SPECC1: variants seen among roughly 807,000 people sequenced by gnomAD.
SPECC1 encodes the protein sperm antigen with calponin homology and coiled-coil domains 1, also known as cytospin-B.
SPECC1 carries 62 observed loss-of-function variants against 104.1 expected under a neutral mutation model. The observed-to-expected ratio is 0.60, with a 90% CI of 0.49 to 0.74. The LOEUF (loss-of-function observed/expected upper bound fraction) is 0.74. Among genes scored for constraint, SPECC1 ranks in the 30% least tolerant of loss-of-function variants. SPECC1 has a pLI of 0.00. For synonymous variants in SPECC1, 513 were observed against 501.6 expected, an observed-to-expected ratio of 1.02 and a Z score of -0.30; for missense variants, 1,306 against 1,310.5, an observed-to-expected ratio of 1.00 and a Z score of 0.05.
At chr17:20,238,619 T>A in intron 7 of SPECC1, 1 of 1,042,136 alleles carries the variant, frequency 9.6e-7, no homozygotes, top group Non-Finnish European at 1.2e-6. Flanking sequence ...AGAAGAGACA[T>A]TGAGGTCTTC....
chr17:20,276,894 A>G (rs2151653089), intron 12 of SPECC1, among the ~76,000 whole-genome samples: 1 of 152,358 alleles, frequency 6.6e-6, no homozygotes, highest in Non-Finnish European at 1.5e-5. Context: ...TGCTCTTGCC[A>G]GGGCTGCTTT....
intron 3 of SPECC1, among the ~76,000 whole-genome samples, chr17:20,154,505 G>A (rs561726287): frequency 2.0e-5 from 3 of 152,170 alleles, no homozygotes; most frequent in East Asian, 1.9e-4. Context: ...TGAGGAGGCC[G>A]GTGTAGCAAC....
At chr17:20,140,712 C>T (rs2030672387) in intron 3 of SPECC1, among the ~76,000 whole-genome samples, 1 of 152,152 alleles carries the variant, frequency 6.6e-6, no homozygotes, top group Admixed American at 6.5e-5. Flanking sequence ...TCAGTGTGTC[C>T]TGTAAACATG....
At chr17:20,262,276 A>G (rs552148982) in intron 12 of SPECC1, among the ~76,000 whole-genome samples, 3 of 152,290 alleles carry the variant, frequency 2.0e-5, no homozygotes, top group African/African-American at 7.2e-5. Flanking sequence ...TCTTGTGCGT[A>G]TTTCCTGAAA....
At chr17:20,074,262 A>T (rs1409609676) in intron 1 of SPECC1, among the ~76,000 whole-genome samples, 2 of 152,180 alleles carry the variant, frequency 1.3e-5, no homozygotes, top group Non-Finnish European at 2.9e-5. Context: ...GCAATGCTCA[A>T]CATCTGGGCA....
In SPECC1 at chr17:20,247,227, G is replaced by A; in HGVS notation, c.2506G>A (p.Gly836Arg). 2 of 1,612,420 alleles carry A rather than the reference G, an allele frequency of 1.2e-6. No individual in the cohort carries two copies. The highest frequency in any genetic ancestry group is 1.7e-6 in the Non-Finnish European group (2 of 1,179,136). ...ATGTTTTTTCTTGGCAGGTGGAGCT[G>A]GACAGAATATTTCTGTCCATAAGAC... ...SFDLGRPGGA[G>R]QNISVHKTPR... is the part of the protein sequence containing the mutation. Residue 836 changes from glycine to arginine, a missense_variant, in exon 9 of 15, where the codon GGA becomes AGA. By Grantham distance (125) the Gly-to-Arg change is moderately radical. This residue lies in a region of SPECC1 where 1,177 missense variants were observed against 1,139.9 expected (regional missense o/e 1.03). Coordinates refer to ENST00000395527, the MANE Select transcript of SPECC1 (RefSeq NM_001243439.2).
intron 12 of SPECC1, among the ~76,000 whole-genome samples, chr17:20,281,907 C>A (rs1237906945): frequency 2.6e-5 from 4 of 152,322 alleles, no homozygotes; most frequent in Middle Eastern, 3.4e-3. Flanking sequence ...GAGGTGAGGG[C>A]ACAGAGAAGA....
intron 2 of SPECC1, among the ~76,000 whole-genome samples, chr17:20,100,216 A>G (rs1157204203): frequency 6.6e-6 from 1 of 152,268 alleles, no homozygotes; most frequent in African/African-American, 2.4e-5. Context: ...CAGGAAAATG[A>G]TAGGGCTTGA....
At chr17:20,256,466 CT>C (rs1279875344) in intron 10 of SPECC1, among the ~76,000 whole-genome samples, 4 of 152,132 alleles carry the variant, frequency 2.6e-5, no homozygotes, top group African/African-American at 9.7e-5. Context: ...CTGTTTTTCT[CT>C]GCTATTTAGA....
chr17:20,209,306 A>G (rs2036983150), intron 4 of SPECC1, among the ~76,000 whole-genome samples: 1 of 152,176 alleles, frequency 6.6e-6, no homozygotes, highest in African/African-American at 2.4e-5. Flanking sequence ...CGAAAGGTGA[A>G]TATTATTAAA....
At chr17:20,202,803 C>G (rs915819414) in intron 3 of SPECC1, among the ~76,000 whole-genome samples, 2 of 152,146 alleles carry the variant, frequency 1.3e-5, no homozygotes, top group African/African-American at 4.8e-5. Context: ...CCCCTAACCT[C>G]CAAGTTGTTC....
chr17:20,213,653 G>A (rs2037303560), intron 4 of SPECC1, among the ~76,000 whole-genome samples: 3 of 152,174 alleles, frequency 2.0e-5, no homozygotes, highest in Non-Finnish European at 4.4e-5. Flanking sequence ...GAGTCTTGAG[G>A]GGAGAGGGGG....
intron 3 of SPECC1, among the ~76,000 whole-genome samples, chr17:20,191,047 G>A (rs1439370059): frequency 1.3e-5 from 2 of 152,188 alleles, no homozygotes; most frequent in African/African-American, 4.8e-5. Flanking sequence ...AAATGCTTCA[G>A]TTAAGGTTCC....
rs769791171 is a variant in SPECC1 at position 20,205,056 on chromosome 17, C to T, written c.1007C>T (p.Ala336Val). ...GCTTCCGACTTTGAGCACATTACAG[C>T]AGAGACACCCTCAAGGCCCCTGTCC... ...PDASDFEHITAETPSRPLSST... is the reference protein window; with the variant it reads ...PDASDFEHITVETPSRPLSST... Residue 336 changes from alanine (A) to valine (V), a missense_variant, in exon 4 of 15, where the codon GCA (alanine) becomes GTA (valine). This residue lies in a region of SPECC1 where 1,177 missense variants were observed against 1,139.9 expected (regional missense o/e 1.03). Transcript: ENST00000395527. 6.2e-7 allele frequency: 1 copy of T among 1,614,176 alleles called. No individual in the cohort carries two copies.
At chr17:20,200,112 G>A (rs1472719128) in intron 3 of SPECC1, among the ~76,000 whole-genome samples, 1 of 152,112 alleles carries the variant, frequency 6.6e-6, no homozygotes, top group Non-Finnish European at 1.5e-5. Flanking sequence ...GCATTTCCCT[G>A]ATGATTAGTG....
At chr17:20,117,523 A>G (rs1262699050) in intron 3 of SPECC1, among the ~76,000 whole-genome samples, 2 of 152,092 alleles carry the variant, frequency 1.3e-5, no homozygotes, top group East Asian at 3.9e-4. Flanking sequence ...GTGGTGGCTC[A>G]TGCCTATAAT....
intron 3 of SPECC1, chr17:20,155,800 A>C: frequency 2.0e-6 from 1 of 500,722 alleles, no homozygotes; most frequent in Non-Finnish European, 2.7e-6. Flanking sequence ...CCGCGGGCGG[A>C]GGCCTGCAGC....
chr17:20,054,594 T>C (rs888768719), intron 1 of SPECC1, among the ~76,000 whole-genome samples: 1 of 152,188 alleles, frequency 6.6e-6, no homozygotes, highest in Non-Finnish European at 1.5e-5. Context: ...TCCCACTAGA[T>C]GAGGGTCGAT....
At chr17:20,308,673 T>C (rs969731582) in intron 14 of SPECC1, among the ~76,000 whole-genome samples, 8 of 152,126 alleles carry the variant, frequency 5.3e-5, no homozygotes, top group East Asian at 3.9e-4. Context: ...AGAAAAAATA[T>C]CCCCATCAGC....
Sources: allele counts gnomAD v4.1 joint callset (sites outside exome capture counted in the v4.1 genomes callset), GRCh38; gene constraint gnomAD v4.1.1; regional missense constraint gnomAD v4.1.1; transcripts MANE v1.5; gene names NCBI Gene and HGNC (gene_info 2026-07-23, HGNC 2026-07-21).